Variants in G3BP2 observed in about 807,000 individuals in gnomAD.
G3BP2 encodes ras GTPase-activating protein-binding protein 2.
A neutral mutation model predicts 56.7 loss-of-function variants in G3BP2; 11 were observed. That is an observed-to-expected ratio of 0.19 (90% CI 0.12 to 0.32). The LOEUF is 0.32. Ranked by LOEUF, G3BP2 falls within the 10% of genes least tolerant of loss-of-function variation. The pLI, the probability that G3BP2 is intolerant of heterozygous loss-of-function variation, is 1.00. For missense variants in G3BP2, 340 were observed against 610.9 expected (o/e 0.56, Z 4.67); for synonymous variants, 165 against 191.6 (o/e 0.86, Z 1.15).
At chr4:75,680,536 C>G (rs994780047) in intron 3 of G3BP2, among the ~76,000 whole-genome samples, 2 of 152,112 alleles carry the variant, frequency 1.3e-5, no homozygotes, top group African/African-American at 4.8e-5. Context: ...GTTATAAAAC[C>G]GAGGCAAACC....
At chr4:75,685,635 T>C (rs1411014465) in intron 3 of G3BP2, among the ~76,000 whole-genome samples, 1 of 152,152 alleles carries the variant, frequency 6.6e-6, no homozygotes, top group Non-Finnish European at 1.5e-5. Context: ...TCCTCATTGA[T>C]AAAAAGGCAC....
rs565564141 is a variant in G3BP2, at chr4:75,668,877, T to C, written c.-25+4331A>G. ...CTTAAAGCACTTTTGGCCTTTATCA[T>C]AGCAGTTTATTGATCATGCTCTGCC... On this transcript the variant is annotated intron_variant, in intron 1 of 11. Transcript: ENST00000359707. 2.6e-5 allele frequency among the ~76,000 whole-genome samples: 4 copies of C among 152,344 alleles called. No homozygotes were observed. In the East Asian group the frequency reaches 7.7e-4, roughly 29 times the overall value.
chr4:75,677,502 C>A (rs985172154), upstream of G3BP2, among the ~76,000 whole-genome samples: 2 of 151,578 alleles, frequency 1.3e-5, no homozygotes, highest in African/African-American at 4.9e-5. Context: ...ACCCAGGAGG[C>A]GGAGGTTGTG....
chr4:75,693,574 A>C (rs966445953), intron 3 of G3BP2, among the ~76,000 whole-genome samples: 4 of 151,514 alleles, frequency 2.6e-5, no homozygotes, highest in Admixed American at 6.6e-5. Flanking sequence ...GTGGATCACG[A>C]GGTTAGGAGT....
chr4:75,670,339 A>G (rs957327553), intron 1 of G3BP2: 17 of 151,688 alleles, frequency 1.1e-4, no homozygotes, highest in African/African-American at 3.9e-4. Flanking sequence ...GAAGTAACTT[A>G]AACAATCTAA....
chr4:75,700,627 G>C (rs1182233118), intron 3 of G3BP2, among the ~76,000 whole-genome samples: 2 of 149,168 alleles, frequency 1.3e-5, no homozygotes, highest in African/African-American at 4.9e-5. Context: ...CACCATGTTG[G>C]TCAGGCTGGT....
chr4:75,715,578 T>G lies in G3BP2; in HGVS notation c.-25+5299A>C, dbSNP rs148912064. 6.0e-3 allele frequency among the ~76,000 whole-genome samples: 910 copies of G among 152,250 alleles called. 15 individuals are homozygous for G. The highest frequency in any genetic ancestry group is 0.021 in the African/African-American group (863 of 41,532). On this transcript the variant is annotated intron_variant, in intron 3 of 3. Transcript: ENST00000499709. ...ACAAGAAGGACCATCCTTCCCAGGT[T>G]GTCAGAAAAAAATCAAAACTGCTGC...
At chr4:75,673,044 A>G (rs1282920019) in intron 1 of G3BP2, 164 bp downstream of exon 1, 2 of 995,144 alleles carry the variant, frequency 2.0e-6, no homozygotes, top group Non-Finnish European at 2.4e-6. Context: ...GTCTTCTCTC[A>G]CGCACACACG....
chr4:75,667,303 AAAGAT>A (rs1331292976), intron 1 of G3BP2, among the ~76,000 whole-genome samples: 1 of 151,816 alleles, frequency 6.6e-6, no homozygotes, highest in African/African-American at 2.4e-5. Flanking sequence ...AAAAAAAAAA[AAAGAT>A]AGCCAAGATT....
intron 1 of G3BP2, among the ~76,000 whole-genome samples, chr4:75,666,091 C>T (rs1253844898): frequency 6.6e-6 from 1 of 152,070 alleles, no homozygotes; most frequent in African/African-American, 2.4e-5. Flanking sequence ...GTACATAATA[C>T]ATATATAATA....
intron 1 of G3BP2, among the ~76,000 whole-genome samples, chr4:75,723,710 C>G (rs1044459020): frequency 1.6e-4 from 25 of 151,956 alleles, no homozygotes; most frequent in African/African-American, 6.0e-4. Flanking sequence ...ATGACGAGTT[C>G]AATTTTAAAT....
chr4:75,702,171 A>ATTTTTTTTTTTTTTTTTTTTTTTTTT (rs57529973), intron 3 of G3BP2, among the ~76,000 whole-genome samples: 1 of 107,480 alleles, frequency 9.3e-6, no homozygotes, highest in Non-Finnish European at 1.8e-5. Flanking sequence ...AAACCCCCCA[A>ATTTTTTTTTTTTTTTTTTTTTTTTTT]TTTTTTTTTT....
intron 5 of G3BP2, 107 bp from the exon 6 acceptor site, chr4:75,655,977 T>C (rs1732073317): frequency 1.1e-5 from 7 of 649,546 alleles, no homozygotes; most frequent in Admixed American, 8.3e-5. Flanking sequence ...AAAAGAAAAT[T>C]TGACAATTTT....
At position 75,643,710 on chromosome 4, in the gene G3BP2, T is replaced by G. The variant is rs1731031729; in HGVS notation, c.*1720A>C. ...GCATAATTCAGAACCAATTTGCTAC[T>G]ATGTCAAGTGCATATCTTGTCTGTT... is the stretch of plus-strand genomic sequence containing the variant. On this transcript the variant is annotated 3_prime_UTR_variant, in exon 12 of 12. Transcript: ENST00000359707. 6.6e-6 allele frequency: 1 copy of G among 152,644 alleles called. No individual in the cohort carries two copies. Among genetic ancestry groups the G allele is most frequent in the South Asian group, 2.1e-4 (1 of 4,832 alleles). The allele number at this position is 152,644 out of a possible 1,614,324, so 9.5% of individuals were successfully genotyped here.
At chr4:75,704,714 C>T (rs6846478) in intron 3 of G3BP2, among the ~76,000 whole-genome samples, 132,758 of 152,058 alleles carry the variant, frequency 0.87, 57,968 homozygotes, top group East Asian at 0.91. Flanking sequence ...CTAACGGCAA[C>T]CTCCACCTCC....
At chr4:75,665,875 C>A (rs956044604) in intron 1 of G3BP2, among the ~76,000 whole-genome samples, 2 of 152,104 alleles carry the variant, frequency 1.3e-5, no homozygotes, top group African/African-American at 4.8e-5. Context: ...TAACTATACA[C>A]AAAATAGTTT....
chr4:75,666,766 ATTC>A (rs1733072024), intron 1 of G3BP2, among the ~76,000 whole-genome samples: 6 of 152,352 alleles, frequency 3.9e-5, no homozygotes, highest in African/African-American at 1.2e-4. Flanking sequence ...CATTTTTATT[ATTC>A]ATAGCAAATC....
At chr4:75,689,704 A>G (rs958132866) in intron 3 of G3BP2, among the ~76,000 whole-genome samples, 1 of 152,212 alleles carries the variant, frequency 6.6e-6, no homozygotes, top group Non-Finnish European at 1.5e-5. Flanking sequence ...AATCATCTGA[A>G]GAATTTTAGT....
chr4:75,697,273 C>CAAAAA lies in G3BP2; in HGVS notation c.-25+23599_-25+23603dup, dbSNP rs869037819. ...TGGCTGACAGAGCGAGACTCTGTCT[C>CAAAAA]AAAAAAAAAAAAAAAAAAAAAAAAA... On this transcript the variant is annotated intron_variant, in intron 3 of 3. Transcript: ENST00000499709. Among the ~76,000 whole-genome samples, 107 of 28,802 alleles carry CAAAAA rather than the reference C, an allele frequency of 3.7e-3. 6 individuals are homozygous for CAAAAA. The highest frequency in any genetic ancestry group is 0.016 in the South Asian group (5 of 306). 18.9% of individuals were successfully genotyped at this position (28,802 alleles called of 152,430 possible).
Sources: allele counts gnomAD v4.1 joint callset (sites outside exome capture counted in the v4.1 genomes callset), GRCh38; gene constraint gnomAD v4.1.1; transcripts MANE v1.5; gene names NCBI Gene and HGNC (gene_info 2026-07-23, HGNC 2026-07-21).